Variants in BRD3 observed in about 807,000 individuals in gnomAD.
BRD3 encodes the protein bromodomain-containing protein 3.
In BRD3, 17 loss-of-function variants were observed where a neutral mutation model predicts 66.8. That is an observed-to-expected ratio of 0.25 (90% CI 0.17 to 0.38). BRD3 has a LOEUF of 0.38. Among genes scored for constraint, BRD3 ranks in the 10% least tolerant of loss-of-function variants. The probability of loss-of-function intolerance (pLI) is 1.00; values close to 1 mark genes in which losing one functional copy is unlikely to be tolerated. For synonymous variants in BRD3, 421 were observed against 393.2 expected (o/e 1.07, Z -0.84); for missense variants, 713 against 956.1 (o/e 0.75, Z 3.35).
chr9:134,033,937 CGA>C lies in BRD3; in HGVS notation c.2066-234_2066-233del, dbSNP rs1306176416. On this transcript the variant is annotated intron_variant, in intron 11 of 11. Coordinates refer to ENST00000303407, the MANE Select transcript of BRD3 (RefSeq NM_007371.4). The surrounding 1 kb of genome is among the most constrained non-coding windows in gnomAD (Gnocchi z 5.1). ...GACTACTAACAGGAAATGATGGATGCGAGAAAGGCTGCCCATCAAAAACATCC... is the reference window on the plus strand; with the variant it reads ...GACTACTAACAGGAAATGATGGATGCGAAAGGCTGCCCATCAAAAACATCC... 6.6e-6 allele frequency among the ~76,000 whole-genome samples: 1 copy of C among 152,152 alleles called. No homozygotes were observed. The highest frequency in any genetic ancestry group is 2.4e-5 in the African/African-American group (1 of 41,456).
intron 1 of BRD3, chr9:134,057,638 CA>C (rs1240785331): frequency 6.6e-6 from 1 of 152,290 alleles, no homozygotes; most frequent in Non-Finnish European, 1.5e-5. Flanking sequence ...CACCTGAGCG[CA>C]AAGGCTTTGG....
chr9:134,050,238 C>A (rs570100026), intron 5 of BRD3, 136 bp downstream of exon 5: 3 of 773,124 alleles, frequency 3.9e-6, no homozygotes, highest in African/African-American at 3.5e-5. Context: ...CCTGAGCTCC[C>A]AGGGCGCAGA....
chr9:134,043,869 T>C (rs1287740091), intron 7 of BRD3, among the ~76,000 whole-genome samples: 2 of 152,148 alleles, frequency 1.3e-5, no homozygotes, highest in Admixed American at 6.5e-5. Context: ...TTTTAAAATC[T>C]GTTGTAGAGA....
At chr9:134,061,247 G>A (rs1039218679) in intron 1 of BRD3, among the ~76,000 whole-genome samples, 1 of 152,254 alleles carries the variant, frequency 6.6e-6, no homozygotes, top group Non-Finnish European at 1.5e-5. Flanking sequence ...AACCAGCCAA[G>A]GGGCAGCGGC....
At chr9:134,061,448 G>A (rs1018930129) in intron 1 of BRD3, among the ~76,000 whole-genome samples, 2 of 152,258 alleles carry the variant, frequency 1.3e-5, no homozygotes, top group African/African-American at 4.8e-5. Context: ...TAGCTCTGCA[G>A]GGGCTCAACC....
chr9:134,060,995 T>C (rs751343765), intron 1 of BRD3, among the ~76,000 whole-genome samples: 15 of 151,924 alleles, frequency 9.9e-5, no homozygotes, highest in Admixed American at 3.9e-4. Flanking sequence ...CCAGGGCTGT[T>C]TCAGGGCTGT....
In BRD3 at chr9:134,051,723, G is replaced by C. The variant is rs779872604; in HGVS notation, c.352-14C>G. 1 of 1,591,296 alleles carries C rather than the reference G, an allele frequency of 6.3e-7. No individual in the cohort carries two copies. Among genetic ancestry groups the C allele is most frequent in the Non-Finnish European group, 8.5e-7 (1 of 1,173,368 alleles). ...GTCATCTGTGGGCTGAAGACACAGA[G>C]AGTCCAGGTCACGTGTCAGGAAAGG... On this transcript the variant is annotated splice_polypyrimidine_tract_variant and intron_variant, in intron 3 of 11. Transcript: ENST00000303407.
chr9:134,033,236 C>T lies in BRD3; in HGVS notation c.*354G>A, dbSNP rs199889838. ...CATTTCCTTGGAAAAAATTCTTTCTCGAGCTATCGACCAGGTTGGGCCTAA... is the reference window on the plus strand; with the variant it reads ...CATTTCCTTGGAAAAAATTCTTTCTTGAGCTATCGACCAGGTTGGGCCTAA... On this transcript the variant is annotated 3_prime_UTR_variant, in exon 12 of 12. Transcript: ENST00000303407. The surrounding 1 kb of genome is among the most constrained non-coding windows in gnomAD (Gnocchi z 5.1). The T allele has an allele frequency of 3.5e-5, 14 of 402,928 alleles. No homozygotes were observed. The highest frequency in any genetic ancestry group is 7.1e-5 in the East Asian group (2 of 28,176). The allele number at this position is 402,928 out of a possible 1,614,324, so 25.0% of individuals were successfully genotyped here. A position where few individuals can be genotyped will look rare whatever the true frequency, so the allele number is the denominator to read the frequency against.
rs1332782460 is a variant in BRD3, at chr9:134,053,529, G to A, written c.-52C>T. ...CACAGCAGCGGCTTGGAGAGGCCCT[G>A]GCTGCTTCTACGCTCCCTGAGAAAG... On this transcript the variant is annotated 5_prime_UTR_variant, in exon 2 of 12. Coordinates refer to ENST00000303407, the MANE Select transcript of BRD3 (RefSeq NM_007371.4). 2 of 1,503,804 alleles carry A rather than the reference G, an allele frequency of 1.3e-6. No homozygotes were observed. The highest frequency in any genetic ancestry group is 1.3e-5 in the South Asian group (1 of 78,036). The allele number at this position is 1,503,804 out of a possible 1,614,324, so 93.2% of individuals were successfully genotyped here.
intron 6 of BRD3, 108 bp downstream of exon 6, chr9:134,047,975 G>A (rs1588286062): frequency 4.3e-6 from 6 of 1,394,004 alleles, no homozygotes; most frequent in African/African-American, 1.5e-5. Flanking sequence ...TCTCCGGCAA[G>A]CGAGACCCTG....
In BRD3 at chr9:134,053,276, A is replaced by G; in HGVS notation, c.202T>C (p.Leu68=). The change falls in exon 2 of 12, where the codon TTG becomes CTG. Residue 68 remains leucine (L), a synonymous_variant. Transcript: ENST00000303407. ...PFYQPVDAIK[L]NLPDYHKIIK... is the part of the protein sequence containing the mutation. ...CAGCAGCTACGCACCGGCAGGTTCA[A>G]TTTGATTGCGTCCACGGGCTGGTAG... The G allele has an allele frequency of 1.2e-6, 2 of 1,613,312 alleles. No individual in the cohort carries two copies. Among genetic ancestry groups the G allele is most frequent in the Admixed American group, 1.7e-5 (1 of 60,018 alleles).
intron 3 of BRD3, 26 bp downstream of exon 3, chr9:134,052,280 G>T: frequency 6.2e-7 from 1 of 1,609,832 alleles, no homozygotes. Context: ...TACTGCAAGC[G>T]GCGTGCCAGG....
chr9:134,035,903 G>A (rs1024555018), intron 10 of BRD3, 129 bp downstream of exon 10: 11 of 1,297,600 alleles, frequency 8.5e-6, no homozygotes, highest in East Asian at 5.0e-5. Flanking sequence ...GTGGTGGGAC[G>A]AAGGAGCCAA....
Position 134,041,780 on chromosome 9 carries a change from G to C in BRD3, c.1387C>G (p.Leu463Val). 1 of 1,611,342 alleles carries C rather than the reference G, an allele frequency of 6.2e-7. No homozygotes were observed. The highest frequency in any genetic ancestry group is 8.5e-7 in the Non-Finnish European group (1 of 1,179,796). ...CCCACCTGCTCCTGCAGCTCCGCCA[G>C]CCTGGTGGCCCGCTCCTCCTCCGAG... ...SDSEEERATR[L>V]AELQEQLKAV... The change falls in exon 8 of 12, where the codon CTG becomes GTG. Residue 463 changes from leucine to valine, a missense_variant. By Grantham distance (32) the Leu-to-Val change is conservative (BLOSUM62 1). Transcript: ENST00000303407.
At chr9:134,036,654 G>C (rs998028455) in intron 9 of BRD3, 1 of 1,232,048 alleles carries the variant, frequency 8.1e-7, no homozygotes, top group Admixed American at 1.9e-5. Context: ...AAACACAGAG[G>C]AAAAAGAAAA....
At chr9:134,052,961 G>C in intron 2 of BRD3, among the ~76,000 whole-genome samples, 1 of 152,256 alleles carries the variant, frequency 6.6e-6, no homozygotes, top group Non-Finnish European at 1.5e-5. Context: ...GCAGGAGCCA[G>C]TGAGGCAGAA....
intron 4 of BRD3, among the ~76,000 whole-genome samples, chr9:134,050,909 T>C (rs977212962): frequency 1.3e-5 from 2 of 152,172 alleles, no homozygotes; most frequent in African/African-American, 4.8e-5. Flanking sequence ...GGTACTGAAC[T>C]CGGTTCCCTA....
At chr9:134,051,214 G>A (rs1830286625) in intron 4 of BRD3, among the ~76,000 whole-genome samples, 1 of 152,234 alleles carries the variant, frequency 6.6e-6, no homozygotes, top group African/African-American at 2.4e-5. Context: ...GCCCCAGGAG[G>A]GGAACAGGCC....
rs1034991052 is a variant in BRD3, at chr9:134,031,134, G to A, written c.*2456C>T. ...AATGCAGCTGCTCAGTGTACCCGCC[G>A]TGGGCTGTCAGGGTCAGTGGCTTCT... On this transcript the variant is annotated 3_prime_UTR_variant, in exon 12 of 12. Transcript: ENST00000303407. 3.5e-5 allele frequency: 8 copies of A among 227,858 alleles called. No homozygotes were observed. Among genetic ancestry groups the A allele is most frequent in the Middle Eastern group, 1.3e-3 (1 of 754 alleles). 14.1% of individuals were successfully genotyped at this position (227,858 alleles called of 1,614,324 possible).
Sources: allele counts gnomAD v4.1 joint callset (sites outside exome capture counted in the v4.1 genomes callset), GRCh38; gene constraint gnomAD v4.1.1; non-coding constraint Gnocchi (gnomAD v3.1); transcripts MANE v1.5; gene names NCBI Gene and HGNC (gene_info 2026-07-23, HGNC 2026-07-21).